Variants in LIMCH1 observed in about 807,000 individuals in gnomAD.
LIMCH1 encodes the protein LIM and calponin homology domains 1.
In LIMCH1, 113 loss-of-function variants were observed where a neutral mutation model predicts 176.5. The observed-to-expected ratio is 0.64, with a 90% CI of 0.55 to 0.75. The LOEUF is 0.75. Among genes scored for constraint, LIMCH1 ranks in the 30% least tolerant of loss-of-function variants. The pLI is 0.00. For missense variants in LIMCH1, 1,674 were observed against 1,814.9 expected (o/e 0.92, Z 1.41); for synonymous variants, 619 against 645.9 (o/e 0.96, Z 0.63).
intron 2 of LIMCH1, among the ~76,000 whole-genome samples, chr4:41,524,022 T>C (rs1406601165): frequency 6.6e-6 from 1 of 152,186 alleles, no homozygotes; most frequent in African/African-American, 2.4e-5. Context: ...ATTTAGTGCA[T>C]CCCTGGAGAG....
At chr4:41,531,654 C>T (rs1408896215) in intron 3 of LIMCH1, among the ~76,000 whole-genome samples, 2 of 152,128 alleles carry the variant, frequency 1.3e-5, no homozygotes, top group African/African-American at 4.8e-5. Context: ...TTAGCTCTTT[C>T]CAGTGCAAAT....
chr4:41,426,776 C>A (rs926373895), intron 1 of LIMCH1, among the ~76,000 whole-genome samples: 1 of 152,182 alleles, frequency 6.6e-6, no homozygotes, highest in Admixed American at 6.5e-5. Context: ...ACTTCTTCAG[C>A]CTTGCTGAAA....
At position 41,414,513 on chromosome 4, in the gene LIMCH1, G is replaced by C. The variant is rs548385477; in HGVS notation, c.96+53577G>C. Among the ~76,000 whole-genome samples the C allele has an allele frequency of 3.9e-5, 6 of 152,280 alleles. No individual in the cohort carries two copies. In the East Asian group the frequency reaches 1.2e-3, roughly 29 times the overall value. On this transcript the variant is annotated intron_variant, in intron 1 of 26. Transcript: ENST00000313860. ...ACGCTAGACTAATCTAATGCACTTT[G>C]ACTTGGCCGCAGCTAAGACTGTAAA...
intron 1 of LIMCH1, among the ~76,000 whole-genome samples, chr4:41,399,992 CTCTTT>C (rs1561245122): frequency 6.6e-6 from 1 of 150,700 alleles, no homozygotes; most frequent in East Asian, 1.9e-4. Context: ...GAGGTGGATA[CTCTTT>C]TCATTTCCAT....
intron 1 of LIMCH1, among the ~76,000 whole-genome samples, chr4:41,374,550 T>C (rs561716501): frequency 1.4e-5 from 2 of 142,384 alleles, no homozygotes; most frequent in East Asian, 4.0e-4. Flanking sequence ...GTGTGTTTAA[T>C]AATTTTTTTC....
chr4:41,426,083 G>A lies in LIMCH1; in HGVS notation c.96+65147G>A, dbSNP rs544933375. Among the ~76,000 whole-genome samples, 397 of 146,126 alleles carry A rather than the reference G, an allele frequency of 2.7e-3. 1 individual carries two copies. Among genetic ancestry groups the A allele is most frequent in the African/African-American group, 9.5e-3 (372 of 39,004 alleles). On this transcript the variant is annotated intron_variant, in intron 1 of 26. Coordinates refer to the LIMCH1 transcript ENST00000313860. ...GTCGCCCAGGCTGGAGTGCAGTGGC[G>A]GGATCTCGGCTCACTGCAAGTTCCG...
chr4:41,546,741 A>G (rs1488906630), intron 1 of LIMCH1, among the ~76,000 whole-genome samples: 1 of 152,148 alleles, frequency 6.6e-6, no homozygotes, highest in Non-Finnish European at 1.5e-5. Context: ...ATCAGAGCAA[A>G]AATTACTCTC....
Position 41,538,288 on chromosome 4 carries a change from G to GC in LIMCH1, c.-299dup, listed in dbSNP as rs2078176957. The GC allele has an allele frequency of 5.1e-6, 5 of 985,290 alleles. No individual in the cohort carries two copies. Among genetic ancestry groups the GC allele is most frequent in the South Asian group, 4.7e-5 (1 of 21,288 alleles). The allele number at this position is 985,290 out of a possible 1,614,324, so 61.0% of individuals were successfully genotyped here. On this transcript the variant is annotated 5_prime_UTR_variant, in exon 1 of 32. The change creates a premature stop within an existing upstream ORF in the 5' untranslated region. Coordinates refer to ENST00000503057, the MANE Select transcript of LIMCH1 (RefSeq NM_001330672.2). ...CTGACGAGGAGCACACAGGAGAGAT[G>GC]CCCCTCCCATCTCCCAGAGTGGGTT... is the stretch of plus-strand genomic sequence containing the variant.
At chr4:41,514,331 A>G (rs971463580) in intron 2 of LIMCH1, among the ~76,000 whole-genome samples, 11 of 152,204 alleles carry the variant, frequency 7.2e-5, no homozygotes, top group African/African-American at 2.7e-4. Flanking sequence ...TGGAAGGTAC[A>G]GTCTCTACTT....
At chr4:41,638,058 C>T (rs1027746665) in intron 13 of LIMCH1, among the ~76,000 whole-genome samples, 5 of 152,080 alleles carry the variant, frequency 3.3e-5, no homozygotes, top group African/African-American at 9.7e-5. Context: ...ACCCTTAAAA[C>T]TCGCCTTTGC....
Position 41,473,778 on chromosome 4 carries a change from T to C in LIMCH1, c.97-20758T>C, listed in dbSNP as rs113117423. Among the ~76,000 whole-genome samples, 834 of 152,192 alleles carry C rather than the reference T, an allele frequency of 5.5e-3. 8 individuals are homozygous for C. The highest frequency in any genetic ancestry group is 0.018 in the African/African-American group (744 of 41,506). On this transcript the variant is annotated intron_variant, in intron 1 of 26. Coordinates refer to the LIMCH1 transcript ENST00000313860. Reference sequence around the variant, plus strand: ...ACAGTATAAAAAGACAGCCTACAGATTGGGAGAAAATATTTGCAAATCATA... The same window carrying C: ...ACAGTATAAAAAGACAGCCTACAGACTGGGAGAAAATATTTGCAAATCATA...
At chr4:41,560,207 C>G (rs947953803) in intron 1 of LIMCH1, among the ~76,000 whole-genome samples, 2 of 152,112 alleles carry the variant, frequency 1.3e-5, no homozygotes, top group Non-Finnish European at 2.9e-5. Flanking sequence ...TCTAGTTGTT[C>G]CAAAGTTCTG....
chr4:41,565,804 G>A (rs2082689907), intron 1 of LIMCH1, among the ~76,000 whole-genome samples: 1 of 152,106 alleles, frequency 6.6e-6, no homozygotes, highest in African/African-American at 2.4e-5. Flanking sequence ...GCCACCCTGA[G>A]TCTGGACCAG....
At chr4:41,474,912 T>G (rs901061480) in intron 1 of LIMCH1, among the ~76,000 whole-genome samples, 8 of 152,006 alleles carry the variant, frequency 5.3e-5, no homozygotes, top group African/African-American at 1.9e-4. Flanking sequence ...AGCCAAGATA[T>G]GGAAACAACA....
At chr4:41,475,038 A>T (rs9992780) in intron 1 of LIMCH1, among the ~76,000 whole-genome samples, 56,520 of 152,072 alleles carry the variant, frequency 0.37, 11,117 homozygotes, top group African/African-American at 0.51. Context: ...CCTAGAGGAC[A>T]TTGTGCTAAA....
intron 1 of LIMCH1, among the ~76,000 whole-genome samples, chr4:41,552,048 G>A (rs940656631): frequency 2.0e-5 from 3 of 152,294 alleles, no homozygotes; most frequent in Non-Finnish European, 2.9e-5. Flanking sequence ...AGCAAGGGAC[G>A]TCTTACATGG....
chr4:41,679,353 G>A (rs897531892), intron 23 of LIMCH1, among the ~76,000 whole-genome samples: 3 of 152,108 alleles, frequency 2.0e-5, no homozygotes, highest in South Asian at 2.1e-4. Flanking sequence ...TTTATTCTTA[G>A]TGTGTTCTTT....
chr4:41,621,254 G>A (rs1025444397), intron 7 of LIMCH1, among the ~76,000 whole-genome samples: 106 of 152,108 alleles, frequency 7.0e-4, no homozygotes, highest in African/African-American at 2.5e-3. Context: ...CTCTTTAATT[G>A]TAACAAAGGT....
intron 1 of LIMCH1, among the ~76,000 whole-genome samples, chr4:41,550,199 A>G (rs1466791737): frequency 3.3e-5 from 5 of 151,438 alleles, no homozygotes; most frequent in Non-Finnish European, 1.5e-5. Context: ...ACAAGGTGAG[A>G]CTCAAAATTT....
Sources: allele counts gnomAD v4.1 joint callset (sites outside exome capture counted in the v4.1 genomes callset), GRCh38; gene constraint gnomAD v4.1.1; transcripts MANE v1.5; gene names NCBI Gene and HGNC (gene_info 2026-07-23, HGNC 2026-07-21).